The following NDUFAF6 variants were observed in gnomAD, a reference collection of about 807,000 sequenced individuals.
NDUFAF6 encodes the protein NADH:ubiquinone oxidoreductase complex assembly factor 6, also known as NADH dehydrogenase (ubiquinone) complex I, assembly factor 6.
NDUFAF6 carries 45 observed loss-of-function variants against 40.8 expected under a neutral mutation model. The observed-to-expected ratio is 1.10, with a 90% CI of 0.87 to 1.42. The LOEUF (loss-of-function observed/expected upper bound fraction) is 1.42, where lower values mean the gene tolerates loss of function less well. NDUFAF6 is among the 40% of genes most tolerant of loss of function. The pLI is 0.00. For missense variants in NDUFAF6, 435 were observed against 418.5 expected, an observed-to-expected ratio of 1.04 and a Z score of -0.34; for synonymous variants, 185 against 155.9, an observed-to-expected ratio of 1.19 and a Z score of -1.39.
chr8:94,937,022 G>A (rs1821045196), intron 1 of NDUFAF6, among the ~76,000 whole-genome samples: 2 of 152,106 alleles, frequency 1.3e-5, no homozygotes, highest in African/African-American at 4.8e-5. Context: ...CTACAAAATG[G>A]GTCTTGAGAA....
At chr8:95,098,187 A>G (rs529158476), upstream of NDUFAF6, among the ~76,000 whole-genome samples, 1 of 152,312 alleles carries the variant, frequency 6.6e-6, no homozygotes, top group East Asian at 1.9e-4. Context: ...TAACTGGGGG[A>G]AAGATGTTTA....
At chr8:95,060,163 G>A (rs1422223902), downstream of NDUFAF6, among the ~76,000 whole-genome samples, 1 of 152,092 alleles carries the variant, frequency 6.6e-6, no homozygotes, top group South Asian at 2.1e-4. Flanking sequence ...ATGAACTAAA[G>A]TTACCAATCT....
chr8:95,063,020 T>C (rs1205448836), downstream of NDUFAF6, among the ~76,000 whole-genome samples: 2 of 152,256 alleles, frequency 1.3e-5, no homozygotes, highest in East Asian at 3.9e-4. Flanking sequence ...ACCAGGTTGT[T>C]AAGTACAGCT....
chr8:94,904,135 T>G (rs56216138), intron 1 of NDUFAF6, among the ~76,000 whole-genome samples: 2 of 144,480 alleles, frequency 1.4e-5, no homozygotes, highest in African/African-American at 5.8e-5. Context: ...TTTGTTTTTG[T>G]GGTTTTTTTG....
intron 2 of NDUFAF6, among the ~76,000 whole-genome samples, chr8:94,996,836 AG>A (rs1285484029): frequency 6.6e-6 from 1 of 152,196 alleles, no homozygotes; most frequent in Non-Finnish European, 1.5e-5. Context: ...CAGGTACAGA[AG>A]GAAGAACACA....
chr8:95,105,650 C>T (rs541524276), downstream of NDUFAF6, among the ~76,000 whole-genome samples: 8 of 152,134 alleles, frequency 5.3e-5, no homozygotes, highest in African/African-American at 1.7e-4. Flanking sequence ...TACAGACATG[C>T]GCCACCATGT....
intron 1 of NDUFAF6, chr8:94,929,193 T>G (rs908613451): frequency 6.6e-6 from 1 of 152,478 alleles, no homozygotes; most frequent in Non-Finnish European, 1.5e-5. Context: ...ATCACCAGAT[T>G]CAGTAGAAAG....
intron 2 of NDUFAF6, among the ~76,000 whole-genome samples, chr8:95,033,586 G>A (rs2131788678): frequency 6.6e-6 from 1 of 152,292 alleles, no homozygotes; most frequent in Non-Finnish European, 1.5e-5. Flanking sequence ...TGTATCAGAT[G>A]GAGACTAGTG....
intron 1 of NDUFAF6, among the ~76,000 whole-genome samples, chr8:94,934,447 G>A (rs1230656247): frequency 6.6e-6 from 1 of 150,938 alleles, no homozygotes; most frequent in Admixed American, 6.6e-5. Flanking sequence ...GTGCAATGGC[G>A]TGATCTCAGC....
chr8:95,043,452 C>T (rs1830371947), intron 4 of NDUFAF6, among the ~76,000 whole-genome samples: 1 of 148,336 alleles, frequency 6.7e-6, no homozygotes, highest in Non-Finnish European at 1.5e-5. Context: ...ATAGATTGGA[C>T]TAAAAGAAAA....
At chr8:94,929,562 A>T (rs1384119040) in intron 1 of NDUFAF6, 4 of 152,204 alleles carry the variant, frequency 2.6e-5, no homozygotes, top group Non-Finnish European at 5.9e-5. Context: ...CTGTGGAAAT[A>T]TAAAGCCTAT....
downstream of NDUFAF6, among the ~76,000 whole-genome samples, chr8:95,063,515 T>C (rs879316355): frequency 1.3e-5 from 2 of 152,142 alleles, no homozygotes; most frequent in Non-Finnish European, 2.9e-5. Flanking sequence ...GAGAATCGCT[T>C]GAACCCAGGA....
chr8:95,114,091 G>C (rs1810074656), intron 4 of NDUFAF6, among the ~76,000 whole-genome samples: 1 of 151,678 alleles, frequency 6.6e-6, no homozygotes, highest in Non-Finnish European at 1.5e-5. Context: ...CACCAGCATG[G>C]CACATGTATA....
chr8:94,936,548 GT>G (rs952675566), intron 1 of NDUFAF6, among the ~76,000 whole-genome samples: 6 of 152,164 alleles, frequency 3.9e-5, no homozygotes, highest in Non-Finnish European at 8.8e-5. Flanking sequence ...ACTGCACGCT[GT>G]TTTCCTAGCG....
chr8:94,967,942 A>C (rs1443979517), intron 1 of NDUFAF6, among the ~76,000 whole-genome samples: 2 of 22,176 alleles, frequency 9.0e-5, no homozygotes, highest in African/African-American at 1.6e-4. Context: ...CTCTGTCTCA[A>C]AAAAAAAAAA....
chr8:94,908,914 A>G (rs904058572), intron 1 of NDUFAF6, among the ~76,000 whole-genome samples: 2 of 152,310 alleles, frequency 1.3e-5, no homozygotes, highest in East Asian at 3.9e-4. Context: ...AATTATCCAC[A>G]TTTTATAACT....
chr8:95,041,802 T>C (rs1301196462), intron 4 of NDUFAF6, among the ~76,000 whole-genome samples, 176 bp downstream of exon 4: 1 of 152,172 alleles, frequency 6.6e-6, no homozygotes, highest in Non-Finnish European at 1.5e-5. Context: ...TACCCTCACA[T>C]TGAGACAGAC....
At chr8:94,963,113 A>AG (rs1004376340) in intron 1 of NDUFAF6, among the ~76,000 whole-genome samples, 8 of 152,150 alleles carry the variant, frequency 5.3e-5, no homozygotes, top group African/African-American at 1.9e-4. Flanking sequence ...TTTTCGTGTG[A>AG]GAAAAAAAAA....
intron 9 of NDUFAF6, among the ~76,000 whole-genome samples, chr8:95,064,953 A>G (rs1437274305): frequency 2.6e-5 from 4 of 152,162 alleles, no homozygotes; most frequent in African/African-American, 4.8e-5. Context: ...TGAAGTCTCC[A>G]TAAAAGGCCA....
Sources: gnomAD v4.1 joint callset for allele counts (sites outside exome capture counted in the v4.1 genomes callset) on GRCh38, gnomAD v4.1.1 for gene constraint, MANE v1.5 for transcripts, NCBI Gene and HGNC (gene_info 2026-07-23, HGNC 2026-07-21) for gene names.